MTAP: variants seen among roughly 807,000 people sequenced by gnomAD.
MTAP encodes S-methyl-5'-thioadenosine phosphorylase.
Under a neutral mutation model 33.6 loss-of-function variants are expected in MTAP, and 33 were observed. That is an observed-to-expected ratio of 0.98 (90% confidence interval 0.74 to 1.31). The LOEUF (loss-of-function observed/expected upper bound fraction) is 1.31, where lower values mean the gene tolerates loss of function less well. Ranked by LOEUF, MTAP falls within the 40% of genes most tolerant of loss-of-function variation. MTAP has a pLI of 0.00. For synonymous variants in MTAP, 148 were observed against 125.7 expected, an observed-to-expected ratio of 1.18 and a Z score of -1.19; for missense variants, 367 against 360.0, an observed-to-expected ratio of 1.02 and a Z score of -0.16.
intron 1 of MTAP, 87 bp from the exon 2 acceptor site, chr9:21,815,346 G>T: frequency 1.1e-6 from 1 of 872,046 alleles, no homozygotes; most frequent in South Asian, 1.7e-5. Flanking sequence ...ATGGAGAAGA[G>T]CATATGAATA....
chr9:21,832,683 A>G (rs1754765650), intron 4 of MTAP, among the ~76,000 whole-genome samples: 1 of 152,132 alleles, frequency 6.6e-6, no homozygotes, highest in South Asian at 2.1e-4. Context: ...TCTGTTCCAT[A>G]ACCTAGTTGT....
At chr9:21,940,890 A>T (rs1354997450), downstream of MTAP, 1 of 433,344 alleles carries the variant, frequency 2.3e-6, no homozygotes, top group Non-Finnish European at 3.1e-6. Flanking sequence ...CTTGAACATT[A>T]TCTTTACTGC....
chr9:21,873,476 A>C (rs1181944082), intron 1 of MTAP, among the ~76,000 whole-genome samples: 2 of 152,128 alleles, frequency 1.3e-5, no homozygotes, highest in African/African-American at 4.8e-5. Flanking sequence ...GTTTCTCTAT[A>C]AATAAGGCCC....
At chr9:21,919,505 T>C in intron 1 of MTAP, among the ~76,000 whole-genome samples, 1 of 152,228 alleles carries the variant, frequency 6.6e-6, no homozygotes, top group East Asian at 1.9e-4. Context: ...AAACCACTTT[T>C]GGATCCCTGG....
intron 1 of MTAP, among the ~76,000 whole-genome samples, chr9:21,884,056 C>T (rs1464323288): frequency 6.6e-6 from 1 of 152,194 alleles, no homozygotes; most frequent in East Asian, 1.9e-4. Flanking sequence ...CAAGAAGTTT[C>T]TTTATCCTGC....
chr9:21,866,676 G>C lies in MTAP; in HGVS notation c.*4662G>C, dbSNP rs777327166. On this transcript the variant is annotated 3_prime_UTR_variant, in exon 8 of 8. Transcript: ENST00000644715. The stretch of plus-strand genomic sequence containing the variant: ...GTGTCTTGAAATTAAGTATTGTTAA[G>C]CTTTGCAATCTTTTCCAAGATTGTT... The C allele has an allele frequency of 4.6e-5, 7 of 152,034 alleles. No homozygotes were observed. Among genetic ancestry groups the C allele is most frequent in the Non-Finnish European group, 8.8e-5 (6 of 67,986 alleles). The allele number at this position is 152,034 out of a possible 1,614,324, so 9.4% of individuals were successfully genotyped here.
intron 6 of MTAP, 29 bp downstream of exon 6, chr9:21,854,899 T>C (rs201854413): frequency 1.8e-5 from 29 of 1,610,856 alleles, no homozygotes; most frequent in African/African-American, 4.0e-5. Flanking sequence ...TAAGCACATA[T>C]AGCATGGGTT....
intron 5 of MTAP, among the ~76,000 whole-genome samples, chr9:21,849,892 G>A (rs1825470854): frequency 6.6e-6 from 1 of 152,250 alleles, no homozygotes; most frequent in Admixed American, 6.5e-5. Context: ...TACCTGGTAT[G>A]CAGCCATTGA....
At chr9:21,894,611 G>A in intron 1 of MTAP, among the ~76,000 whole-genome samples, 1 of 122,494 alleles carries the variant, frequency 8.2e-6, no homozygotes, top group Non-Finnish European at 1.7e-5. Flanking sequence ...GTGGGGGGTG[G>A]GGGAGGGATA....
chr9:21,914,653 T>G (rs1587293670), intron 1 of MTAP, among the ~76,000 whole-genome samples: 12 of 127,586 alleles, frequency 9.4e-5, no homozygotes, highest in South Asian at 3.0e-4. Flanking sequence ...GGGGGGAGGG[T>G]TAGCATTTGG....
chr9:21,864,871 A>G lies in MTAP; in HGVS notation c.*2857A>G. The G allele has an allele frequency of 1.4e-5, 14 of 985,480 alleles. No individual in the cohort carries two copies. The highest frequency in any genetic ancestry group is 1.7e-5 in the Non-Finnish European group (14 of 829,958). The allele number at this position is 985,480 out of a possible 1,614,324, so 61.0% of individuals were successfully genotyped here. On this transcript the variant is annotated 3_prime_UTR_variant, in exon 8 of 8. Transcript: ENST00000644715. Reference sequence around the variant, plus strand: ...TCTTCTCTGGCTGCTACCTCAGGGCATGGTTGTGGCCCCACCAACACCTAT... The same window carrying G: ...TCTTCTCTGGCTGCTACCTCAGGGCGTGGTTGTGGCCCCACCAACACCTAT...
At chr9:21,902,009 G>C (rs1818400527) in intron 1 of MTAP, among the ~76,000 whole-genome samples, 1 of 152,202 alleles carries the variant, frequency 6.6e-6, no homozygotes, top group Admixed American at 6.5e-5. Context: ...AAATCCCTAA[G>C]TAGAATGTAT....
intron 1 of MTAP, among the ~76,000 whole-genome samples, chr9:21,890,835 A>G (rs1818189387): frequency 6.6e-6 from 1 of 151,728 alleles, no homozygotes; most frequent in Non-Finnish European, 1.5e-5. Context: ...GTTTCCTTCA[A>G]AAGGTCTGTG....
chr9:21,802,674 G>C lies in MTAP; in HGVS notation c.-75G>C, dbSNP rs965743631. On this transcript the variant is annotated 5_prime_UTR_variant, in exon 1 of 8. Coordinates refer to ENST00000644715, the MANE Select transcript of MTAP (RefSeq NM_002451.4). ...ACTCCCGCGCAGTGAGGTTGGCACA[G>C]CCACCGCTCTGTGGCTCGCTTGGTT... is the stretch of plus-strand genomic sequence containing the variant. 6 of 1,576,220 alleles carry C rather than the reference G, an allele frequency of 3.8e-6. No homozygotes were observed. In the African/African-American group the frequency reaches 5.4e-5, roughly 14 times the overall value.
At chr9:21,855,230 T>C (rs924041360) in intron 6 of MTAP, among the ~76,000 whole-genome samples, 7 of 152,204 alleles carry the variant, frequency 4.6e-5, no homozygotes, top group African/African-American at 1.7e-4. Flanking sequence ...AACCCTTTCC[T>C]CATGAGAGGG....
intron 4 of MTAP, among the ~76,000 whole-genome samples, chr9:21,835,677 T>G (rs1296581141): frequency 6.6e-6 from 1 of 152,162 alleles, no homozygotes; most frequent in Non-Finnish European, 1.5e-5. Context: ...CTATTAAAAT[T>G]ATACACATTT....
intron 5 of MTAP, among the ~76,000 whole-genome samples, chr9:21,845,381 A>T (rs1311602730): frequency 6.6e-6 from 1 of 152,210 alleles, no homozygotes; most frequent in African/African-American, 2.4e-5. Context: ...ATAGACCAAC[A>T]GCAACCAAGC....
chr9:21,885,973 A>C (rs1818103291), intron 1 of MTAP, among the ~76,000 whole-genome samples: 1 of 152,046 alleles, frequency 6.6e-6, no homozygotes, highest in Non-Finnish European at 1.5e-5. Context: ...AGACATAGAT[A>C]CCCAGTCATG....
chr9:21,929,958 A>G (rs1818930097), intron 1 of MTAP: 2 of 425,014 alleles, frequency 4.7e-6, no homozygotes, highest in South Asian at 2.1e-5. Flanking sequence ...CAATTCCACC[A>G]TCAACCAAGA....
Sources: gnomAD v4.1 joint callset for allele counts (sites outside exome capture counted in the v4.1 genomes callset) on GRCh38, gnomAD v4.1.1 for gene constraint, MANE v1.5 for transcripts, NCBI Gene and HGNC (gene_info 2026-07-23, HGNC 2026-07-21) for gene names.